The following GRID2 variants were observed in gnomAD, a reference collection of about 807,000 sequenced individuals.
The protein encoded by GRID2 is glutamate receptor ionotropic, delta-2.
In GRID2, 33 loss-of-function variants were observed where a neutral mutation model predicts 114.8. The ratio of observed to expected loss-of-function variants is 0.29; its 90% CI spans 0.22 to 0.38. The LOEUF is 0.38. GRID2 is among the 10% of genes least tolerant of loss of function. GRID2 has a pLI of 1.00. For synonymous variants in GRID2, 505 were observed against 449.9 expected (o/e 1.12, Z -1.55); for missense variants, 1,184 against 1,257.7 (o/e 0.94, Z 0.89).
intron 2 of GRID2, among the ~76,000 whole-genome samples, chr4:92,679,917 GA>G (rs35215896): frequency 0.012 from 1,796 of 147,106 alleles, 23 homozygotes; most frequent in Non-Finnish European, 0.02. Flanking sequence ...TAAATTGACT[GA>G]AAAAAAAAAA....
At chr4:93,407,755 TC>T in intron 9 of GRID2, among the ~76,000 whole-genome samples, 1 of 105,034 alleles carries the variant, frequency 9.5e-6, no homozygotes, top group Non-Finnish European at 1.9e-5. Flanking sequence ...CTCCTCCTCC[TC>T]GTCCTCCTCC....
chr4:92,660,657 T>A (rs971616025), intron 2 of GRID2, among the ~76,000 whole-genome samples: 7 of 151,136 alleles, frequency 4.6e-5, no homozygotes, highest in Non-Finnish European at 7.4e-5. Context: ...CATAGACACC[T>A]ACTCCTTCAT....
chr4:93,477,558 G>T (rs1367968407), intron 11 of GRID2, among the ~76,000 whole-genome samples: 3 of 151,964 alleles, frequency 2.0e-5, no homozygotes. Flanking sequence ...ACAGATAAAA[G>T]AACTTCTAAT....
chr4:92,446,743 C>T (rs757910751), intron 1 of GRID2, among the ~76,000 whole-genome samples: 10 of 152,152 alleles, frequency 6.6e-5, no homozygotes, highest in Non-Finnish European at 1.3e-4. Context: ...TCTAAGTCTA[C>T]AGCCTGTTCT....
At chr4:93,163,377 T>TAC (rs1737901401) in intron 4 of GRID2, among the ~76,000 whole-genome samples, 1 of 122,844 alleles carries the variant, frequency 8.1e-6, no homozygotes, top group African/African-American at 3.1e-5. Flanking sequence ...TATATATATA[T>TAC]ATATATATAT....
chr4:92,611,840 G>T (rs973383758), intron 2 of GRID2, among the ~76,000 whole-genome samples: 2 of 151,010 alleles, frequency 1.3e-5, no homozygotes, highest in Non-Finnish European at 3.0e-5. Context: ...TTTATTTGAG[G>T]TTTTTTGACA....
At chr4:92,811,348 C>A (rs1740654769) in intron 2 of GRID2, among the ~76,000 whole-genome samples, 1 of 151,944 alleles carries the variant, frequency 6.6e-6, no homozygotes, top group Admixed American at 6.6e-5. Context: ...ATATTTCATA[C>A]CCAAATTTTC....
intron 14 of GRID2, among the ~76,000 whole-genome samples, chr4:93,711,156 C>G (rs369287609): frequency 1.6e-4 from 24 of 152,050 alleles, no homozygotes; most frequent in African/African-American, 5.1e-4. Context: ...ATTTTCATGG[C>G]TTTCCCACCT....
chr4:92,365,757 C>T (rs779347458), intron 1 of GRID2, among the ~76,000 whole-genome samples: 1 of 151,832 alleles, frequency 6.6e-6, no homozygotes, highest in Admixed American at 6.6e-5. Context: ...TAATGTAATA[C>T]AATTATGACT....
intron 2 of GRID2, among the ~76,000 whole-genome samples, chr4:92,874,504 G>A (rs79367250): frequency 0.011 from 1,715 of 152,110 alleles, 20 homozygotes; most frequent in Non-Finnish European, 0.016. Flanking sequence ...AATAAAAATT[G>A]GGTTCAATAT....
chr4:93,253,292 A>G (rs1411020079), intron 8 of GRID2, among the ~76,000 whole-genome samples: 1 of 151,998 alleles, frequency 6.6e-6, no homozygotes, highest in African/African-American at 2.4e-5. Flanking sequence ...AGTTCTTACC[A>G]TAACCAAAAT....
chr4:92,893,489 G>A (rs994425528), intron 2 of GRID2, among the ~76,000 whole-genome samples: 7 of 152,104 alleles, frequency 4.6e-5, no homozygotes, highest in African/African-American at 1.7e-4. Flanking sequence ...GCAAATCACT[G>A]AACTTCTCTG....
At chr4:92,418,633 G>A (rs139927567) in intron 1 of GRID2, among the ~76,000 whole-genome samples, 49 of 152,162 alleles carry the variant, frequency 3.2e-4, no homozygotes, top group African/African-American at 1.1e-3. Flanking sequence ...TAAAAAGATA[G>A]AGGCGGGAAA....
intron 14 of GRID2, among the ~76,000 whole-genome samples, chr4:93,699,357 GTTAA>G (rs1727310862): frequency 6.6e-6 from 1 of 151,986 alleles, no homozygotes; most frequent in Admixed American, 6.6e-5. Context: ...AGCCATAAAA[GTTAA>G]TTAAGGTATT....
chr4:93,370,877 T>C (rs1049888128), intron 8 of GRID2, among the ~76,000 whole-genome samples: 2 of 152,178 alleles, frequency 1.3e-5, no homozygotes, highest in African/African-American at 4.8e-5. Context: ...TCTTGACACA[T>C]AGCAAATGCT....
At chr4:92,610,868 T>G (rs1729688345) in intron 2 of GRID2, among the ~76,000 whole-genome samples, 1 of 151,772 alleles carries the variant, frequency 6.6e-6, no homozygotes, top group Admixed American at 6.6e-5. Flanking sequence ...TTTATCTATG[T>G]TGTAGCAAGT....
At chr4:93,676,931 A>G (rs1724927505) in intron 14 of GRID2, among the ~76,000 whole-genome samples, 1 of 152,060 alleles carries the variant, frequency 6.6e-6, no homozygotes, top group African/African-American at 2.4e-5. Context: ...TGGGAGCAGG[A>G]CAGTGGGTGC....
At chr4:93,679,071 G>A (rs977488210) in intron 14 of GRID2, among the ~76,000 whole-genome samples, 1 of 150,934 alleles carries the variant, frequency 6.6e-6, no homozygotes, top group Non-Finnish European at 1.5e-5. Context: ...CAAAATAAAA[G>A]GATGGAGGAA....
At chr4:93,424,032 T>C in intron 10 of GRID2, among the ~76,000 whole-genome samples, 1 of 152,276 alleles carries the variant, frequency 6.6e-6, no homozygotes, top group East Asian at 1.9e-4. Flanking sequence ...CTTCTTAACT[T>C]ACTACATTCT....
Sources: gnomAD v4.1 joint callset for allele counts (sites outside exome capture counted in the v4.1 genomes callset) on GRCh38, gnomAD v4.1.1 for gene constraint, MANE v1.5 for transcripts, NCBI Gene and HGNC (gene_info 2026-07-23, HGNC 2026-07-21) for gene names.